Variants in AFDN observed in about 807,000 individuals in gnomAD.
The protein encoded by AFDN is afadin, adherens junction formation factor, also known as afadin.
AFDN carries 68 observed loss-of-function variants against 216.6 expected under a neutral mutation model. The observed-to-expected ratio is 0.31, with a 90% confidence interval of 0.26 to 0.38. The LOEUF is 0.38. AFDN is among the 10% of genes least tolerant of loss of function. The pLI is 1.00. For missense variants in AFDN, 2,136 were observed against 2,342.0 expected (o/e 0.91, Z 1.82); for synonymous variants, 868 against 853.7 (o/e 1.02, Z -0.29).
chr6:167,967,569 ATTTT>A lies in AFDN; in HGVS notation c.5257+1528_5257+1531del, dbSNP rs946953819. Among the ~76,000 whole-genome samples the A allele has an allele frequency of 2.4e-4, 36 of 151,050 alleles. 1 individual carries two copies. The highest frequency in any genetic ancestry group is 8.9e-5 in the Non-Finnish European group (6 of 67,386). ...GAATTTTATAAGCTGAACCTAAGATATTTTTTTATGTGTCATGACAGAAATGTGA... is the reference window on the plus strand; with the variant it reads ...GAATTTTATAAGCTGAACCTAAGATATTTATGTGTCATGACAGAAATGTGA... On this transcript the variant is annotated intron_variant, in intron 32 of 33. Transcript: ENST00000683244.
intron 27 of AFDN, 119 bp from the exon 28 acceptor site, chr6:167,947,734 T>G (rs1434880106): frequency 3.5e-6 from 2 of 576,032 alleles, no homozygotes; most frequent in Non-Finnish European, 6.0e-6. Context: ...TTTTTTCATC[T>G]CTGTGCTGGA....
intron 12 of AFDN, among the ~76,000 whole-genome samples, chr6:167,905,800 G>A (rs1036662727): frequency 2.6e-5 from 4 of 152,090 alleles, no homozygotes; most frequent in Admixed American, 1.3e-4. Flanking sequence ...ACCAGCAATT[G>A]TGTTTCTATA....
chr6:167,933,695 A>C (rs1001527443), intron 23 of AFDN, among the ~76,000 whole-genome samples: 1 of 152,268 alleles, frequency 6.6e-6, no homozygotes, highest in Non-Finnish European at 1.5e-5. Flanking sequence ...AGTAAATTAT[A>C]TAAAAGAATA....
chr6:167,842,799 A>G (rs975143694), intron 1 of AFDN, among the ~76,000 whole-genome samples: 7 of 152,236 alleles, frequency 4.6e-5, no homozygotes, highest in African/African-American at 2.4e-5. Flanking sequence ...TTGGCAGTCA[A>G]TTGAGAATAT....
chr6:167,870,280 T>G (rs1377197202), intron 2 of AFDN, 106 bp from the exon 3 acceptor site: 1 of 644,860 alleles, frequency 1.6e-6, no homozygotes, highest in Non-Finnish European at 2.7e-6. Flanking sequence ...AGTCTGCAAG[T>G]AGGTGCTTTG....
intron 5 of AFDN, 34 bp from the exon 6 acceptor site, chr6:167,880,326 A>G: frequency 6.2e-7 from 1 of 1,600,056 alleles, no homozygotes; most frequent in Non-Finnish European, 8.5e-7. Flanking sequence ...GCATAAAGTA[A>G]GTTGTACTCA....
intron 5 of AFDN, among the ~76,000 whole-genome samples, chr6:167,879,727 C>T (rs1230339997): frequency 6.6e-6 from 1 of 151,996 alleles, no homozygotes; most frequent in Non-Finnish European, 1.5e-5. Flanking sequence ...CTTTTTTTCT[C>T]CTAAATAAGT....
At chr6:167,847,271 TC>T in intron 1 of AFDN, among the ~76,000 whole-genome samples, 1 of 152,284 alleles carries the variant, frequency 6.6e-6, no homozygotes, top group Admixed American at 6.5e-5. Context: ...CTCCACTTAT[TC>T]CCTAGGTGAA....
At chr6:167,847,142 G>A (rs1435871665) in intron 1 of AFDN, among the ~76,000 whole-genome samples, 1 of 152,116 alleles carries the variant, frequency 6.6e-6, no homozygotes, top group African/African-American at 2.4e-5. Context: ...ACATCCAGTC[G>A]TTTATCTTCT....
At chr6:167,956,819 C>T (rs1796567159) in intron 30 of AFDN, among the ~76,000 whole-genome samples, 1 of 152,146 alleles carries the variant, frequency 6.6e-6, no homozygotes, top group African/African-American at 2.4e-5. Flanking sequence ...TCTCTGTGCC[C>T]CCGTGACCAG....
intron 23 of AFDN, among the ~76,000 whole-genome samples, chr6:167,934,033 G>C (rs1793659741): frequency 6.6e-6 from 1 of 152,196 alleles, no homozygotes; most frequent in African/African-American, 2.4e-5. Flanking sequence ...TCTTGTGCCT[G>C]AAAATCTGCT....
At chr6:167,899,680 GTTTATTTTTT>G (rs1194422857) in intron 11 of AFDN, among the ~76,000 whole-genome samples, 2 of 152,172 alleles carry the variant, frequency 1.3e-5, no homozygotes, top group Non-Finnish European at 2.9e-5. Flanking sequence ...CTGACTCCCT[GTTTATTTTTT>G]AGGCTCACTG....
chr6:167,829,443 A>AT (rs950162592), intron 1 of AFDN, among the ~76,000 whole-genome samples: 93 of 148,626 alleles, frequency 6.3e-4, no homozygotes, highest in African/African-American at 2.2e-3. Flanking sequence ...GCTCGTGTGA[A>AT]TTTTTTTTTT....
intron 1 of AFDN, among the ~76,000 whole-genome samples, chr6:167,836,601 T>G (rs1353952437): frequency 1.3e-5 from 2 of 152,190 alleles, no homozygotes; most frequent in African/African-American, 2.4e-5. Flanking sequence ...TAGCATCACT[T>G]AAGATTAGTT....
Position 167,917,240 on chromosome 6 carries a change from G to A in AFDN, c.2709+8G>A. On this transcript the variant is annotated splice_region_variant and intron_variant, in intron 20 of 33. Coordinates refer to ENST00000683244, the MANE Select transcript of AFDN (RefSeq NM_001386888.1). ...GAGCCTTTTATCCCAACGGTGAGTG[G>A]ATGTTGCCACATTACCACACAGTGC... is the stretch of plus-strand genomic sequence containing the variant. The A allele has an allele frequency of 6.3e-7, 1 of 1,580,198 alleles. No individual in the cohort carries two copies.
chr6:167,954,280 TTC>T (rs1796285396), intron 30 of AFDN, among the ~76,000 whole-genome samples: 1 of 152,230 alleles, frequency 6.6e-6, no homozygotes, highest in Non-Finnish European at 1.5e-5. Context: ...GTGGGCATTT[TTC>T]TGTTTCTGAA....
intron 2 of AFDN, among the ~76,000 whole-genome samples, chr6:167,868,816 G>A (rs1220726089): frequency 6.8e-6 from 1 of 146,594 alleles, no homozygotes; most frequent in African/African-American, 2.6e-5. Flanking sequence ...AGAGTGGAGT[G>A]CAGTGGTGCC....
chr6:167,908,869 T>C (rs531743970), intron 13 of AFDN, among the ~76,000 whole-genome samples: 1 of 152,196 alleles, frequency 6.6e-6, no homozygotes, highest in African/African-American at 2.4e-5. Context: ...GGCAGTGTTA[T>C]AATAAGCACT....
intron 12 of AFDN, 24 bp from the exon 13 acceptor site, chr6:167,907,147 C>G: frequency 6.3e-7 from 1 of 1,589,618 alleles, no homozygotes; most frequent in Non-Finnish European, 8.6e-7. Flanking sequence ...GGTTCTAAAC[C>G]CGTTGTGCTT....
Sources: gnomAD v4.1 joint callset for allele counts (sites outside exome capture counted in the v4.1 genomes callset) on GRCh38, gnomAD v4.1.1 for gene constraint, MANE v1.5 for transcripts, NCBI Gene and HGNC (gene_info 2026-07-23, HGNC 2026-07-21) for gene names.